MDM1: variants seen among roughly 807,000 people sequenced by gnomAD.
The protein encoded by MDM1 is Mdm1 nuclear protein.
MDM1 carries 61 observed loss-of-function variants against 89.1 expected under a neutral mutation model. The observed-to-expected ratio is 0.68, with a 90% CI of 0.56 to 0.85. The LOEUF is 0.85. Among genes scored for constraint, MDM1 ranks in the 40% least tolerant of loss-of-function variants. MDM1 has a pLI of 0.00. For missense variants in MDM1, 820 were observed against 846.5 expected (o/e 0.97, Z 0.39); for synonymous variants, 290 against 294.1 (o/e 0.99, Z 0.14).
At chr12:68,329,442 G>A (rs1420921862) in intron 2 of MDM1, among the ~76,000 whole-genome samples, 1 of 152,112 alleles carries the variant, frequency 6.6e-6, no homozygotes, top group Non-Finnish European at 1.5e-5. Flanking sequence ...TGACTTACAT[G>A]CCATGCTCGC....
At chr12:68,296,320 A>C (rs748217624) in intron 14 of MDM1, among the ~76,000 whole-genome samples, 1 of 152,228 alleles carries the variant, frequency 6.6e-6, no homozygotes, top group Non-Finnish European at 1.5e-5. Context: ...CAACATGGTG[A>C]AACCCCATCT....
At chr12:68,328,757 C>T (rs1275868238) in intron 2 of MDM1, among the ~76,000 whole-genome samples, 1 of 152,068 alleles carries the variant, frequency 6.6e-6, no homozygotes, top group Non-Finnish European at 1.5e-5. Context: ...TCTCCCAGCA[C>T]CAGCAAATCC....
At chr12:68,327,528 AT>A in intron 2 of MDM1, 1 of 1,532,726 alleles carries the variant, frequency 6.5e-7, no homozygotes, top group South Asian at 1.2e-5. Flanking sequence ...TTAAAAAAGA[AT>A]AAGCCCTTTT....
At chr12:68,327,205 T>A in intron 2 of MDM1, 184 bp from the exon 3 acceptor site, 3 of 1,397,462 alleles carry the variant, frequency 2.1e-6, no homozygotes, top group Non-Finnish European at 2.8e-6. Flanking sequence ...CATAAAATAT[T>A]TAATTTTGCT....
intron 12 of MDM1, 93 bp downstream of exon 12, chr12:68,313,350 A>G (rs1442850759): frequency 6.6e-6 from 6 of 914,688 alleles, no homozygotes; most frequent in South Asian, 3.2e-5. Context: ...GATAGCCACA[A>G]TTCTCTAAAA....
At chr12:68,315,440 A>G (rs1874361631) in intron 9 of MDM1, among the ~76,000 whole-genome samples, 175 bp from the exon 10 acceptor site, 1 of 152,234 alleles carries the variant, frequency 6.6e-6, no homozygotes, top group South Asian at 2.1e-4. Context: ...AGCAAAATAA[A>G]TGAAAGTCAT....
Position 68,323,137 on chromosome 12 carries a change from T to C in MDM1, c.737A>G (p.Glu246Gly), listed in dbSNP as rs1306648084. The change falls in exon 5 of 15, where the codon GAA (glutamate) becomes GGA (glycine). Residue 246 changes from glutamate to glycine, a missense_variant. Transcript: ENST00000682720. ...RNFKGLSPVK[E>G]PKLRNDLREN... ...TCTCAAATCATTTCTTAATTTTGGT[T>C]CTTTCACTGGAGATAAACCCTTGAA... The C allele has an allele frequency of 1.2e-6, 2 of 1,610,642 alleles. No homozygotes were observed. The highest frequency in any genetic ancestry group is 1.7e-6 in the Non-Finnish European group (2 of 1,178,978).
intron 12 of MDM1, among the ~76,000 whole-genome samples, chr12:68,309,438 T>A (rs928761348): frequency 1.3e-5 from 2 of 152,362 alleles, no homozygotes; most frequent in African/African-American, 2.4e-5. Context: ...ATTTTGAAAC[T>A]CTTATTAGTT....
At position 68,294,861 on chromosome 12, in the gene MDM1, T is replaced by C. The variant is rs1240487018; in HGVS notation, c.*393A>G. 6.5e-6 allele frequency: 1 copy of C among 153,762 alleles called. No individual in the cohort carries two copies. Among genetic ancestry groups the C allele is most frequent in the Non-Finnish European group, 1.4e-5 (1 of 69,150 alleles). The allele number at this position is 153,762 out of a possible 1,614,324, so 9.5% of individuals were successfully genotyped here. A position where few individuals can be genotyped will look rare whatever the true frequency, so the allele number is the denominator to read the frequency against. On this transcript the variant is annotated 3_prime_UTR_variant, in exon 15 of 15. Transcript: ENST00000682720. ...AGGTTAAAGGAACAACAAATTCATT[T>C]TACAACATCATCAATTATAAAGATA...
intron 12 of MDM1, among the ~76,000 whole-genome samples, chr12:68,305,702 A>G (rs1444665769): frequency 6.6e-6 from 1 of 152,170 alleles, no homozygotes; most frequent in African/African-American, 2.4e-5. Context: ...CAAGGAGGTG[A>G]AAGATCTCCC....
chr12:68,302,555 G>A, intron 13 of MDM1, 65 bp downstream of exon 13: 10 of 1,341,632 alleles, frequency 7.5e-6, no homozygotes, highest in Non-Finnish European at 1.0e-5. Flanking sequence ...TGCATTCTTA[G>A]ACTTTGTACC....
chr12:68,300,972 G>A lies in MDM1; in HGVS notation c.2002+1648C>T, dbSNP rs547466426. 3.3e-5 allele frequency among the ~76,000 whole-genome samples: 5 copies of A among 152,176 alleles called. No homozygotes were observed. In the South Asian group the frequency reaches 6.2e-4, roughly 19 times the overall value. On this transcript the variant is annotated intron_variant, in intron 13 of 14. Transcript: ENST00000682720. ...ATACCAATTATCTTCTCAGACCACA[G>A]GGGAATAAAACTAGAAATCAACTCC...
chr12:68,296,987 A>T lies in MDM1; in HGVS notation c.2003-5T>A. 2 of 1,523,434 alleles carry T rather than the reference A, an allele frequency of 1.3e-6. No individual in the cohort carries two copies. Among genetic ancestry groups the T allele is most frequent in the East Asian group, 2.4e-5 (1 of 42,514 alleles). The allele number at this position is 1,523,434 out of a possible 1,614,324, so 94.4% of individuals were successfully genotyped here. ...TGTTCATCCTTGCTTTTCCCACTTAAAAAAAAAAAGGCAGAATAAATTATC... is the reference window on the plus strand; with the variant it reads ...TGTTCATCCTTGCTTTTCCCACTTATAAAAAAAAAGGCAGAATAAATTATC... On this transcript the variant is annotated splice_polypyrimidine_tract_variant and splice_region_variant and intron_variant, in intron 13 of 14. Coordinates refer to ENST00000682720, the MANE Select transcript of MDM1 (RefSeq NM_001354969.2).
chr12:68,313,134 A>G (rs1873921341), intron 12 of MDM1, among the ~76,000 whole-genome samples: 1 of 152,212 alleles, frequency 6.6e-6, no homozygotes, highest in South Asian at 2.1e-4. Flanking sequence ...CTATATCCCC[A>G]GCACTTAAAA....
chr12:68,315,056 T>TCCTC lies in MDM1; in HGVS notation c.1417_1420dup (p.Asp474GlyfsTer5). On this transcript the variant is annotated frameshift_variant, in exon 10 of 15. Transcript: ENST00000682720. LOFTEE classifies it high-confidence loss of function. ...CCTGTCCCCTTCCTCTTCATTGTCGTCCTCCTCCTCTTTCTCCCCGGGCTG... is the reference window on the plus strand; with the variant it reads ...CCTGTCCCCTTCCTCTTCATTGTCGTCCTCCCTCCTCCTCTTTCTCCCCGGGCTG... The TCCTC allele has an allele frequency of 6.2e-7, 1 of 1,614,044 alleles. No individual in the cohort carries two copies. Among genetic ancestry groups the TCCTC allele is most frequent in the Non-Finnish European group, 8.5e-7 (1 of 1,179,992 alleles).
chr12:68,295,488 G>A, intron 14 of MDM1, 122 bp from the exon 15 acceptor site: 1 of 607,440 alleles, frequency 1.6e-6, no homozygotes. Context: ...AGTTAGTCAG[G>A]AAAAAAAGTA....
chr12:68,311,033 TC>T (rs1170739395), intron 12 of MDM1, among the ~76,000 whole-genome samples: 1 of 152,158 alleles, frequency 6.6e-6, no homozygotes, highest in African/African-American at 2.4e-5. Context: ...CATCCACCGA[TC>T]CTATCACCTC....
intron 4 of MDM1, among the ~76,000 whole-genome samples, chr12:68,323,876 A>G (rs1327267796): frequency 1.3e-5 from 2 of 152,178 alleles, no homozygotes; most frequent in Non-Finnish European, 2.9e-5. Flanking sequence ...GATCAGATCT[A>G]AACAGTTTAT....
chr12:68,313,719 G>A lies in MDM1; in HGVS notation c.1564C>T (p.Arg522Trp), dbSNP rs369315611. 46 of 1,613,932 alleles carry A rather than the reference G, an allele frequency of 2.9e-5. 1 individual carries two copies. The highest frequency in any genetic ancestry group is 2.0e-4 in the East Asian group (9 of 44,892). The change falls in exon 11 of 15, where the codon CGG (arginine) becomes TGG (tryptophan). Residue 522 changes from arginine (R) to tryptophan (W), a missense_variant. Coordinates refer to ENST00000682720, the MANE Select transcript of MDM1 (RefSeq NM_001354969.2). ...DSSVSSEKGG[R>W]LPTPKLRELG... ...TCTCTCAGCTTGGGAGTAGGAAGCC[G>A]GCCTCCTTTTTCTGAGGATACAGAA...
Sources: allele counts gnomAD v4.1 joint callset (sites outside exome capture counted in the v4.1 genomes callset), GRCh38; gene constraint gnomAD v4.1.1; transcripts MANE v1.5; gene names NCBI Gene and HGNC (gene_info 2026-07-23, HGNC 2026-07-21).